HCN1: variants seen among roughly 807,000 people sequenced by gnomAD.
The protein encoded by HCN1 is hyperpolarization activated cyclic nucleotide gated potassium channel 1.
In HCN1, 13 loss-of-function variants were observed where a neutral mutation model predicts 78.9. The observed-to-expected ratio is 0.16, with a 90% CI of 0.11 to 0.26. The LOEUF is 0.26. Ranked by LOEUF, HCN1 falls within the 10% of genes least tolerant of loss-of-function variation. The probability of loss-of-function intolerance (pLI) is 1.00; values close to 1 mark genes in which losing one functional copy is unlikely to be tolerated. For synonymous variants in HCN1, 552 were observed against 455.5 expected, an observed-to-expected ratio of 1.21 and a Z score of -2.70; for missense variants, 810 against 1,154.3, an observed-to-expected ratio of 0.70 and a Z score of 4.32.
In HCN1 at chr5:45,340,486, T is replaced by G. The variant is rs1356166235; in HGVS notation, c.1377+12614A>C. Among the ~76,000 whole-genome samples the G allele has an allele frequency of 3.3e-5, 5 of 152,198 alleles. No homozygotes were observed. The East Asian group carries it at 5.8e-4, about 18-fold the overall frequency. On this transcript the variant is annotated intron_variant, in intron 5 of 7. Transcript: ENST00000303230. ...TGTCTTTTGATTTGATATTTATTCCTGATACTGTCTGTTGGATTACCTTTG... is the reference window on the plus strand; with the variant it reads ...TGTCTTTTGATTTGATATTTATTCCGGATACTGTCTGTTGGATTACCTTTG...
chr5:45,623,604 G>T (rs1376338648), intron 2 of HCN1, among the ~76,000 whole-genome samples: 2 of 152,118 alleles, frequency 1.3e-5, no homozygotes, highest in Non-Finnish European at 2.9e-5. Flanking sequence ...TTGAAGTAAA[G>T]AATCCTAACT....
intron 1 of HCN1, 30 bp from the exon 2 acceptor site, chr5:45,645,638 G>A: frequency 6.7e-7 from 1 of 1,502,834 alleles, no homozygotes. Context: ...CAGATTTTAA[G>A]ATATAGAAAA....
chr5:45,639,975 T>C (rs1008617402), intron 2 of HCN1, among the ~76,000 whole-genome samples: 2 of 152,172 alleles, frequency 1.3e-5, no homozygotes, highest in Non-Finnish European at 2.9e-5. Flanking sequence ...GCTGCTTGTA[T>C]CTCGTGTCTT....
chr5:45,622,822 A>G (rs1745094551), intron 2 of HCN1, among the ~76,000 whole-genome samples: 1 of 152,180 alleles, frequency 6.6e-6, no homozygotes, highest in African/African-American at 2.4e-5. Flanking sequence ...ATAAGGTTAT[A>G]CAATTAATAC....
intron 4 of HCN1, among the ~76,000 whole-genome samples, chr5:45,356,983 G>T (rs1467037887): frequency 6.6e-6 from 1 of 151,962 alleles, no homozygotes; most frequent in Non-Finnish European, 1.5e-5. Context: ...TGTTAATCCT[G>T]CAATTGCTGA....
intron 1 of HCN1, among the ~76,000 whole-genome samples, chr5:45,691,730 T>C (rs1246024708): frequency 6.6e-6 from 1 of 152,158 alleles, no homozygotes; most frequent in Non-Finnish European, 1.5e-5. Context: ...TGTTTTCTTG[T>C]GAGAAGCTCC....
In HCN1 at chr5:45,442,608, T is replaced by A. The variant is rs879811720; in HGVS notation, c.1011+19238A>T. ...ATATATGTAAGGTAGTTACCATATA[T>A]AAAATATAATGGCATTTACAATAAA... On this transcript the variant is annotated intron_variant, in intron 3 of 7. Coordinates refer to ENST00000303230, the MANE Select transcript of HCN1 (RefSeq NM_021072.4). 5.7e-3 allele frequency among the ~76,000 whole-genome samples: 868 copies of A among 152,080 alleles called. 7 individuals are homozygous for A. The highest frequency in any genetic ancestry group is 0.01 in the Middle Eastern group (3 of 292).
In HCN1 at chr5:45,261,902, C is replaced by CT; in HGVS notation, c.*18dup. On this transcript the variant is annotated 3_prime_UTR_variant, in exon 8 of 8. Coordinates refer to ENST00000303230, the MANE Select transcript of HCN1 (RefSeq NM_021072.4). ...CAGTTTATGAGAGTATTTCTTTCTG[C>CT]TTTGACAATCAGCAGGGATCATAAA... 2.5e-6 allele frequency: 4 copies of CT among 1,613,908 alleles called. No homozygotes were observed. Among genetic ancestry groups the CT allele is most frequent in the Non-Finnish European group, 3.4e-6 (4 of 1,179,990 alleles).
intron 2 of HCN1, among the ~76,000 whole-genome samples, chr5:45,560,989 G>A (rs1376100728): frequency 6.6e-6 from 1 of 151,952 alleles, no homozygotes; most frequent in African/African-American, 2.4e-5. Context: ...TCATATTCAG[G>A]ATGTGCAATT....
intron 2 of HCN1, among the ~76,000 whole-genome samples, chr5:45,545,462 T>C (rs1443246005): frequency 2.0e-5 from 3 of 152,200 alleles, no homozygotes; most frequent in Non-Finnish European, 4.4e-5. Flanking sequence ...TTAGATCCCA[T>C]TTGTCAATTT....
intron 5 of HCN1, 138 bp downstream of exon 5, chr5:45,352,961 GA>G (rs1278994723): frequency 1.5e-6 from 1 of 667,858 alleles, no homozygotes; most frequent in Non-Finnish European, 2.6e-6. Context: ...ATGTAGGTGA[GA>G]AGCTAAAGAA....
intron 2 of HCN1, among the ~76,000 whole-genome samples, chr5:45,521,039 G>A (rs1040999520): frequency 2.0e-5 from 3 of 151,418 alleles, no homozygotes; most frequent in Non-Finnish European, 2.9e-5. Flanking sequence ...TAAAGGGCCT[G>A]GGAAAGATTT....
At chr5:45,312,700 C>T (rs993273924) in intron 5 of HCN1, among the ~76,000 whole-genome samples, 6 of 152,316 alleles carry the variant, frequency 3.9e-5, no homozygotes, top group African/African-American at 1.2e-4. Context: ...TCTTAGCAAA[C>T]GGCACACCAG....
intron 1 of HCN1, among the ~76,000 whole-genome samples, chr5:45,646,363 CTTTCTTTTT>C (rs1443907923): frequency 6.0e-5 from 8 of 133,522 alleles, no homozygotes; most frequent in Admixed American, 1.5e-4. Flanking sequence ...TTCTTTCTTT[CTTTCTTTTT>C]TTTTTTTTTT....
intron 2 of HCN1, among the ~76,000 whole-genome samples, chr5:45,607,932 A>C (rs1389982256): frequency 6.6e-6 from 1 of 151,830 alleles, no homozygotes; most frequent in Non-Finnish European, 1.5e-5. Context: ...TAAAGAAACA[A>C]AACTCTAATT....
At chr5:45,422,435 C>T (rs1165655834) in intron 3 of HCN1, among the ~76,000 whole-genome samples, 1 of 152,020 alleles carries the variant, frequency 6.6e-6, no homozygotes, top group Non-Finnish European at 1.5e-5. Context: ...CTTTTCTCTC[C>T]CCTATGATGT....
At chr5:45,637,982 T>C (rs1222208826) in intron 2 of HCN1, among the ~76,000 whole-genome samples, 2 of 152,142 alleles carry the variant, frequency 1.3e-5, no homozygotes, top group African/African-American at 2.4e-5. Context: ...AATTTTAAAA[T>C]AGTTATGAAT....
intron 5 of HCN1, among the ~76,000 whole-genome samples, chr5:45,311,682 G>A (rs1169668685): frequency 1.3e-5 from 2 of 152,194 alleles, no homozygotes; most frequent in Non-Finnish European, 2.9e-5. Flanking sequence ...AGTGTTGACT[G>A]AAGAAATGCC....
At chr5:45,449,707 C>A (rs1318654974) in intron 3 of HCN1, among the ~76,000 whole-genome samples, 3 of 151,838 alleles carry the variant, frequency 2.0e-5, no homozygotes, top group Non-Finnish European at 4.4e-5. Flanking sequence ...CCAGTTAGGT[C>A]AATTTCTTTC....
Sources: allele counts gnomAD v4.1 joint callset (sites outside exome capture counted in the v4.1 genomes callset), GRCh38; gene constraint gnomAD v4.1.1; transcripts MANE v1.5; gene names NCBI Gene and HGNC (gene_info 2026-07-23, HGNC 2026-07-21).